The following MED12L variants were observed in gnomAD, a reference collection of about 807,000 sequenced individuals.
The protein encoded by MED12L is mediator complex subunit 12L.
In MED12L, 60 loss-of-function variants were observed where a neutral mutation model predicts 281.3. That is an observed-to-expected ratio of 0.21 (90% CI 0.17 to 0.26). The LOEUF (loss-of-function observed/expected upper bound fraction) is 0.26. Ranked by LOEUF, MED12L falls within the 10% of genes least tolerant of loss-of-function variation. The pLI is 1.00. For missense variants in MED12L, 2,146 were observed against 2,680.9 expected, an observed-to-expected ratio of 0.80 and a Z score of 4.41; for synonymous variants, 974 against 987.2, an observed-to-expected ratio of 0.99 and a Z score of 0.25.
At chr3:151,222,558 T>C (rs1318880274) in intron 16 of MED12L, among the ~76,000 whole-genome samples, 3 of 152,228 alleles carry the variant, frequency 2.0e-5, no homozygotes, top group Non-Finnish European at 4.4e-5. Flanking sequence ...GGAGTTGCCC[T>C]GCACAAGCTC....
intron 5 of MED12L, among the ~76,000 whole-genome samples, chr3:151,153,534 A>T (rs1423290815): frequency 6.7e-6 from 1 of 149,306 alleles, no homozygotes; most frequent in Non-Finnish European, 1.5e-5. Flanking sequence ...TCTTCAGTAT[A>T]ATCTGTATGT....
At chr3:151,158,044 C>G (rs1388704952) in intron 6 of MED12L, among the ~76,000 whole-genome samples, 1 of 152,178 alleles carries the variant, frequency 6.6e-6, no homozygotes, top group African/African-American at 2.4e-5. Context: ...GTGCTTATAT[C>G]AAGATTAGTG....
chr3:151,304,576 A>AT (rs980273193), intron 16 of MED12L, among the ~76,000 whole-genome samples: 1 of 144,494 alleles, frequency 6.9e-6, no homozygotes, highest in Non-Finnish European at 1.5e-5. Context: ...TCAAAAAAAA[A>AT]TTTTTTTTCC....
intron 17 of MED12L, among the ~76,000 whole-genome samples, chr3:151,354,904 C>T (rs1346452004): frequency 6.6e-6 from 1 of 152,044 alleles, no homozygotes; most frequent in Non-Finnish European, 1.5e-5. Flanking sequence ...TTTTGATCTC[C>T]TAGGGAGGGA....
chr3:151,416,401 A>C lies in MED12L; in HGVS notation c.6387A>C (p.Ala2129=). Residue 2129 remains alanine, a synonymous_variant, in exon 43 of 45, where the codon GCA becomes GCC. Coordinates refer to ENST00000687756, the MANE Select transcript of MED12L (RefSeq NM_001393769.1). The stretch of plus-strand genomic sequence containing the variant: ...AGAGTCAGACCCTTGGTCTCCAAGC[A>C]ATGCAGCCCCAGCAGCCCTTGGTAA... The part of the protein sequence containing the change: ...QSQSQTLGLQ[A]MQPQQPLFPR... The C allele has an allele frequency of 1.2e-6, 2 of 1,612,966 alleles. No homozygotes were observed. Among genetic ancestry groups the C allele is most frequent in the Non-Finnish European group, 8.5e-7 (1 of 1,179,530 alleles).
intron 2 of MED12L, among the ~76,000 whole-genome samples, chr3:151,098,457 G>A (rs962720993): frequency 5.3e-5 from 8 of 152,164 alleles, no homozygotes; most frequent in African/African-American, 1.4e-4. Flanking sequence ...GCAGGGCCAC[G>A]TTCCCTCTGA....
At chr3:151,122,339 TC>T (rs1713880521) in intron 3 of MED12L, among the ~76,000 whole-genome samples, 1 of 152,168 alleles carries the variant, frequency 6.6e-6, no homozygotes, top group South Asian at 2.1e-4. Context: ...GAGTTTCCTT[TC>T]CAAAAATAAG....
At chr3:151,362,606 G>A (rs2150086991) in intron 21 of MED12L, among the ~76,000 whole-genome samples, 1 of 152,092 alleles carries the variant, frequency 6.6e-6, no homozygotes, top group African/African-American at 2.4e-5. Context: ...ATTTATTTAT[G>A]GCCTGGCTCC....
chr3:151,332,426 T>C (rs1750450030), intron 16 of MED12L, among the ~76,000 whole-genome samples: 1 of 152,206 alleles, frequency 6.6e-6, no homozygotes, highest in Non-Finnish European at 1.5e-5. Context: ...CAAGAGTAAC[T>C]AAAAGTGGTA....
At chr3:151,429,817 G>C (rs1329779723) in intron 43 of MED12L, among the ~76,000 whole-genome samples, 5 of 152,156 alleles carry the variant, frequency 3.3e-5, no homozygotes, top group Non-Finnish European at 7.4e-5. Context: ...TCCATCATAT[G>C]GGGAGGGTAT....
intron 4 of MED12L, 152 bp from the exon 5 acceptor site, chr3:151,127,673 C>T: frequency 1.8e-6 from 1 of 547,772 alleles, no homozygotes; most frequent in South Asian, 3.1e-5. Flanking sequence ...ACAAAAACTA[C>T]ATGCACTATT....
intron 16 of MED12L, among the ~76,000 whole-genome samples, chr3:151,270,784 T>G (rs906898220): frequency 6.6e-6 from 1 of 152,136 alleles, no homozygotes; most frequent in Non-Finnish European, 1.5e-5. Flanking sequence ...ATGACACATT[T>G]AAAATAAGTT....
At chr3:151,210,820 C>G (rs1386633571) in intron 16 of MED12L, among the ~76,000 whole-genome samples, 1 of 152,244 alleles carries the variant, frequency 6.6e-6, no homozygotes, top group African/African-American at 2.4e-5. Context: ...CCTTTGGCCT[C>G]TCTTGGCAGA....
At chr3:151,170,071 A>C (rs1355352425) in intron 11 of MED12L, among the ~76,000 whole-genome samples, 1 of 152,262 alleles carries the variant, frequency 6.6e-6, no homozygotes, top group Admixed American at 6.5e-5. Context: ...TTGTGTGTGT[A>C]ATCAGTTTCA....
chr3:151,332,745 TTTTAAC>T (rs1309885939), intron 16 of MED12L, among the ~76,000 whole-genome samples: 2 of 152,202 alleles, frequency 1.3e-5, no homozygotes, highest in African/African-American at 2.4e-5. Context: ...GTGATTTTTT[TTTTAAC>T]TTTATTTTAG....
At chr3:151,225,314 C>A (rs371051908) in intron 16 of MED12L, among the ~76,000 whole-genome samples, 1 of 152,126 alleles carries the variant, frequency 6.6e-6, no homozygotes, top group Non-Finnish European at 1.5e-5. Flanking sequence ...AACAATACTA[C>A]GTATTGAGTC....
At chr3:151,258,667 T>C (rs1353583077) in intron 16 of MED12L, among the ~76,000 whole-genome samples, 1 of 152,048 alleles carries the variant, frequency 6.6e-6, no homozygotes, top group Non-Finnish European at 1.5e-5. Flanking sequence ...CTGATCAACA[T>C]GGTGAAACCC....
intron 43 of MED12L, among the ~76,000 whole-genome samples, chr3:151,418,473 T>A (rs905315276): frequency 2.0e-5 from 3 of 152,198 alleles, no homozygotes; most frequent in Non-Finnish European, 4.4e-5. Flanking sequence ...TTTGTCTTCA[T>A]GAAGTTGACA....
chr3:151,097,090 T>G (rs1411147928), intron 2 of MED12L, among the ~76,000 whole-genome samples: 3 of 152,212 alleles, frequency 2.0e-5, no homozygotes. Context: ...TGGGGATAGC[T>G]CTGGCATTGG....
Sources: gnomAD v4.1 joint callset for allele counts (sites outside exome capture counted in the v4.1 genomes callset) on GRCh38, gnomAD v4.1.1 for gene constraint, MANE v1.5 for transcripts, NCBI Gene and HGNC (gene_info 2026-07-23, HGNC 2026-07-21) for gene names.